The following PTPRT variants were observed in gnomAD, a reference collection of about 807,000 sequenced individuals.
PTPRT encodes the protein protein tyrosine phosphatase receptor type T, also known as receptor-type tyrosine-protein phosphatase T.
PTPRT carries 56 observed loss-of-function variants against 176.8 expected under a neutral mutation model. The ratio of observed to expected loss-of-function variants is 0.32; its 90% confidence interval spans 0.26 to 0.40. PTPRT has a LOEUF of 0.40. PTPRT is among the 10% of genes least tolerant of loss of function. The probability of loss-of-function intolerance (pLI) is 1.00; values close to 1 mark genes in which losing one functional copy is unlikely to be tolerated. For missense variants in PTPRT, 1,540 were observed against 1,908.2 expected (o/e 0.81, Z 3.60); for synonymous variants, 783 against 739.0 (o/e 1.06, Z -0.96).
intron 8 of PTPRT, among the ~76,000 whole-genome samples, chr20:42,453,829 C>T (rs918747855): frequency 2.3e-5 from 3 of 129,200 alleles, no homozygotes; most frequent in Non-Finnish European, 4.8e-5. Context: ...CATGACCACG[C>T]CCGGCTAATT....
At position 42,315,968 on chromosome 20, in the gene PTPRT, G is replaced by A. The variant is rs752116362; in HGVS notation, c.1894C>T (p.Arg632Ter). The change falls in exon 12 of 31, where the codon CGA becomes TGA. Residue 632 changes from arginine (R) to a stop codon, truncating the protein, a stop_gained. Transcript: ENST00000373187. LOFTEE classifies it high-confidence loss of function. ...GCTGCCCTCCGTGACTTCTGAAGTC[G>A]CTCCTCCTTGACAACCAGCTGATAA... ...SVYQLVVKEE[R>*]LQKSRRAADI... The A allele has an allele frequency of 1.9e-6, 3 of 1,613,890 alleles. No individual in the cohort carries two copies. The highest frequency in any genetic ancestry group is 1.7e-6 in the Non-Finnish European group (2 of 1,179,966).
chr20:42,731,275 G>A (rs190337993), intron 6 of PTPRT, among the ~76,000 whole-genome samples: 148 of 152,282 alleles, frequency 9.7e-4, no homozygotes, highest in Non-Finnish European at 1.4e-3. Context: ...TTGAGTCTTC[G>A]CTGGGGCTGT....
chr20:42,331,994 T>A lies in PTPRT; in HGVS notation c.1866-15998A>T, dbSNP rs950675550. Among the ~76,000 whole-genome samples, 3 of 152,264 alleles carry A rather than the reference T, an allele frequency of 2.0e-5. 1 individual carries two copies. ...TCAAGGCAGTGGTACCCAACTGTAC[T>A]TGTCATTATATTCTTCACCACCTCA... On this transcript the variant is annotated intron_variant, in intron 11 of 30. Coordinates refer to ENST00000373187, the MANE Select transcript of PTPRT (RefSeq NM_007050.6).
chr20:42,478,969 T>A (rs2071335978), intron 7 of PTPRT, among the ~76,000 whole-genome samples: 1 of 152,164 alleles, frequency 6.6e-6, no homozygotes, highest in Admixed American at 6.5e-5. Flanking sequence ...TAGGTGCTAA[T>A]AGAGGGCAGG....
At chr20:42,091,177 C>T (rs370890065) in intron 27 of PTPRT, among the ~76,000 whole-genome samples, 1 of 152,210 alleles carries the variant, frequency 6.6e-6, no homozygotes, top group African/African-American at 2.4e-5. Flanking sequence ...GGTTGTGAAG[C>T]CTGTGTGGAT....
intron 13 of PTPRT, among the ~76,000 whole-genome samples, chr20:42,276,859 T>C (rs1291306211): frequency 6.6e-6 from 1 of 151,844 alleles, no homozygotes; most frequent in Non-Finnish European, 1.5e-5. Context: ...CATGGACACA[T>C]CACTCCTCCT....
intron 1 of PTPRT, among the ~76,000 whole-genome samples, chr20:43,037,954 C>A (rs1986448780): frequency 6.6e-6 from 1 of 152,200 alleles, no homozygotes; most frequent in Non-Finnish European, 1.5e-5. Flanking sequence ...ACCATTCTCA[C>A]ATGAACCCTT....
chr20:42,627,019 A>T (rs1289971114), intron 7 of PTPRT, among the ~76,000 whole-genome samples: 1 of 151,512 alleles, frequency 6.6e-6, no homozygotes, highest in Non-Finnish European at 1.5e-5. Flanking sequence ...GTAAAGGGTC[A>T]TCAATTTCTG....
chr20:42,246,048 T>C (rs377534927), intron 14 of PTPRT, among the ~76,000 whole-genome samples: 9 of 152,164 alleles, frequency 5.9e-5, no homozygotes, highest in African/African-American at 2.2e-4. Context: ...TACTTGGAAG[T>C]TTCTTTGACT....
rs1479864622 is a variant in PTPRT, at chr20:42,586,508, A to T, written c.1153+91358T>A. Among the ~76,000 whole-genome samples, 4 of 151,866 alleles carry T rather than the reference A, an allele frequency of 2.6e-5. No individual in the cohort carries two copies. In the East Asian group the frequency reaches 7.8e-4, roughly 29 times the overall value. On this transcript the variant is annotated intron_variant, in intron 7 of 30. Transcript: ENST00000373187. Reference sequence around the variant, plus strand: ...GACTCATCTAGCTCCCAAAGTGGGGACTCCTCCACCAGAGCCTGCATTTTC... The same window carrying T: ...GACTCATCTAGCTCCCAAAGTGGGGTCTCCTCCACCAGAGCCTGCATTTTC...
At chr20:42,575,395 A>C (rs1416920591) in intron 7 of PTPRT, among the ~76,000 whole-genome samples, 1 of 152,114 alleles carries the variant, frequency 6.6e-6, no homozygotes, top group African/African-American at 2.4e-5. Context: ...CTCAGTTAAA[A>C]ACCGGTAGAA....
chr20:42,157,504 C>T (rs1471083634), intron 17 of PTPRT, among the ~76,000 whole-genome samples: 1 of 151,926 alleles, frequency 6.6e-6, no homozygotes, highest in Non-Finnish European at 1.5e-5. Context: ...CACCATCACG[C>T]CTGGCTAATT....
At chr20:42,235,349 G>A (rs886455905) in intron 15 of PTPRT, among the ~76,000 whole-genome samples, 2 of 151,908 alleles carry the variant, frequency 1.3e-5, no homozygotes, top group Non-Finnish European at 1.5e-5. Flanking sequence ...TACAACCTCC[G>A]CCCTGGGTTC....
intron 7 of PTPRT, among the ~76,000 whole-genome samples, chr20:42,601,475 C>T (rs13038839): frequency 0.13 from 19,081 of 152,224 alleles, 1,350 homozygotes; most frequent in Non-Finnish European, 0.16. Flanking sequence ...CCATCTTCCA[C>T]ATTTTACACA....
At chr20:42,159,014 G>A (rs1357364943) in intron 17 of PTPRT, among the ~76,000 whole-genome samples, 1 of 151,860 alleles carries the variant, frequency 6.6e-6, no homozygotes, top group African/African-American at 2.4e-5. Flanking sequence ...CGAAATGCAT[G>A]AAAGTAGTCA....
chr20:42,456,159 A>T (rs2070920051), intron 8 of PTPRT, among the ~76,000 whole-genome samples: 2 of 152,050 alleles, frequency 1.3e-5, no homozygotes, highest in African/African-American at 4.8e-5. Context: ...TTATATTTTT[A>T]TTGCTATTGT....
At chr20:42,057,228 A>G in the PTPRT span, among the ~76,000 whole-genome samples, 5,838 of 152,262 alleles carry the variant, frequency 0.038, 181 homozygotes, top group Middle Eastern at 0.068. Context: ...GTGCCTGTCT[A>G]CCTAAAGAAA....
At chr20:42,154,651 G>A (rs1336535495) in intron 17 of PTPRT, among the ~76,000 whole-genome samples, 1 of 152,182 alleles carries the variant, frequency 6.6e-6, no homozygotes, top group Admixed American at 6.5e-5. Context: ...GGATTGAACT[G>A]GGATGAATGT....
chr20:42,451,104 T>C (rs1014555667), intron 8 of PTPRT, among the ~76,000 whole-genome samples: 4 of 152,082 alleles, frequency 2.6e-5, no homozygotes, highest in African/African-American at 7.2e-5. Flanking sequence ...GAGGCTGTCA[T>C]TGTCATCCTC....
Sources: gnomAD v4.1 joint callset for allele counts (sites outside exome capture counted in the v4.1 genomes callset) on GRCh38, gnomAD v4.1.1 for gene constraint, MANE v1.5 for transcripts, NCBI Gene and HGNC (gene_info 2026-07-23, HGNC 2026-07-21) for gene names.